Variants in SEMA3D observed in about 807,000 individuals in gnomAD.
The protein encoded by SEMA3D is semaphorin 3D.
SEMA3D carries 84 observed loss-of-function variants against 100.1 expected under a neutral mutation model. That is an observed-to-expected ratio of 0.84 (90% CI 0.70 to 1.01). The LOEUF (loss-of-function observed/expected upper bound fraction) is 1.01, where lower values mean the gene tolerates loss of function less well. SEMA3D is among the 50% of genes least tolerant of loss of function. The probability of loss-of-function intolerance (pLI) is 0.00; values close to 1 mark genes in which losing one functional copy is unlikely to be tolerated. For synonymous variants in SEMA3D, 312 were observed against 320.7 expected (o/e 0.97, Z 0.29); for missense variants, 875 against 934.1 (o/e 0.94, Z 0.82).
chr7:85,222,922 C>T, the SEMA3D span, among the ~76,000 whole-genome samples: 1 of 151,946 alleles, frequency 6.6e-6, no homozygotes, highest in Non-Finnish European at 1.5e-5. Flanking sequence ...GGACTAATAT[C>T]CAGAATCTGC....
chr7:85,011,355 G>A (rs1268551182), intron 17 of SEMA3D, among the ~76,000 whole-genome samples: 1 of 151,788 alleles, frequency 6.6e-6, no homozygotes, highest in African/African-American at 2.4e-5. Flanking sequence ...ATAGACTGAT[G>A]ATGATGATTA....
chr7:85,219,235 G>GA, the SEMA3D span, among the ~76,000 whole-genome samples: 9 of 151,386 alleles, frequency 5.9e-5, no homozygotes, highest in South Asian at 2.1e-4. Flanking sequence ...CCCACAGAGG[G>GA]AAAAAAAAGT....
chr7:85,038,052 G>C (rs1443222846), intron 11 of SEMA3D, among the ~76,000 whole-genome samples: 13 of 143,178 alleles, frequency 9.1e-5, no homozygotes, highest in African/African-American at 3.0e-4. Flanking sequence ...GTTGTGGGGT[G>C]GGGGGGAGGG....
At chr7:85,023,985 C>T (rs1431392878) in intron 12 of SEMA3D, among the ~76,000 whole-genome samples, 1 of 151,864 alleles carries the variant, frequency 6.6e-6, no homozygotes, top group East Asian at 1.9e-4. Context: ...TTAGAAACGT[C>T]CTAGAATATT....
upstream of SEMA3D, among the ~76,000 whole-genome samples, chr7:85,189,652 G>C (rs1436919904): frequency 6.6e-6 from 1 of 151,822 alleles, no homozygotes; most frequent in African/African-American, 2.4e-5. Flanking sequence ...TCAGTCCAAG[G>C]GGAAAAATAC....
chr7:85,169,578 C>T (rs1463735579), intron 1 of SEMA3D, among the ~76,000 whole-genome samples: 1 of 151,774 alleles, frequency 6.6e-6, no homozygotes, highest in African/African-American at 2.4e-5. Flanking sequence ...TAAATCAATA[C>T]TGCCACCTAA....
rs1465294944 is a variant in SEMA3D at position 84,999,406 on chromosome 7, GT to G, written c.*33del. The G allele has an allele frequency of 6.4e-7, 1 of 1,551,882 alleles. No individual in the cohort carries two copies. Among genetic ancestry groups the G allele is most frequent in the East Asian group, 2.2e-5 (1 of 44,580 alleles). On this transcript the variant is annotated 3_prime_UTR_variant, in exon 19 of 19. Transcript: ENST00000284136. Reference sequence around the variant, plus strand: ...AAAACAGAAGGCAATGTTTTTATAGGTAAGGAATTCTTTTCTTTAAATTAAG... The same window carrying G: ...AAAACAGAAGGCAATGTTTTTATAGGAAGGAATTCTTTTCTTTAAATTAAG...
At chr7:85,183,539 C>T (rs1791457945) in intron 1 of SEMA3D, among the ~76,000 whole-genome samples, 1 of 152,152 alleles carries the variant, frequency 6.6e-6, no homozygotes, top group African/African-American at 2.4e-5. Context: ...AAATAATTCC[C>T]ATTCCCACGC....
At chr7:85,013,708 T>G (rs1448564711) in intron 16 of SEMA3D, among the ~76,000 whole-genome samples, 1 of 151,802 alleles carries the variant, frequency 6.6e-6, no homozygotes, top group East Asian at 1.9e-4. Context: ...TACACATCTT[T>G]TGGCTCACAT....
At chr7:85,067,562 A>T (rs1430462943) in intron 7 of SEMA3D, among the ~76,000 whole-genome samples, 1 of 152,170 alleles carries the variant, frequency 6.6e-6, no homozygotes, top group African/African-American at 2.4e-5. Context: ...AGACAAAAGG[A>T]GTCCTTATAA....
intron 12 of SEMA3D, among the ~76,000 whole-genome samples, chr7:85,026,139 C>T (rs1790384749): frequency 6.6e-6 from 1 of 151,972 alleles, no homozygotes; most frequent in South Asian, 2.1e-4. Context: ...GATACGTGTC[C>T]TTTAGTGTAA....
At chr7:85,165,983 T>TA (rs1207537684) in intron 1 of SEMA3D, among the ~76,000 whole-genome samples, 1 of 152,070 alleles carries the variant, frequency 6.6e-6, no homozygotes, top group Non-Finnish European at 1.5e-5. Flanking sequence ...CAAAATTATA[T>TA]AAATATGTAC....
intron 3 of SEMA3D, among the ~76,000 whole-genome samples, chr7:85,119,052 CACA>C (rs980734768): frequency 2.0e-5 from 3 of 151,144 alleles, no homozygotes; most frequent in African/African-American, 7.3e-5. Context: ...AAATCAAAAC[CACA>C]ACAAGATACC....
chr7:85,189,472 GA>G (rs1319344277), upstream of SEMA3D, among the ~76,000 whole-genome samples: 9 of 152,068 alleles, frequency 5.9e-5, no homozygotes, highest in South Asian at 4.2e-4. Context: ...AACCCAGTGG[GA>G]AAAAAAGTAT....
At chr7:85,129,906 T>C (rs777211836) in intron 2 of SEMA3D, among the ~76,000 whole-genome samples, 1 of 152,082 alleles carries the variant, frequency 6.6e-6, no homozygotes, top group Non-Finnish European at 1.5e-5. Flanking sequence ...ACATAAATTC[T>C]CCAGGAACAC....
At chr7:85,125,192 T>C (rs1173371041) in intron 2 of SEMA3D, among the ~76,000 whole-genome samples, 3 of 152,100 alleles carry the variant, frequency 2.0e-5, no homozygotes, top group Non-Finnish European at 4.4e-5. Context: ...ACAATGCATG[T>C]AACGTGAATG....
chr7:85,194,858 CGT>C, the SEMA3D span, among the ~76,000 whole-genome samples: 1 of 151,990 alleles, frequency 6.6e-6, no homozygotes, highest in African/African-American at 2.4e-5. Context: ...CATCATCTTT[CGT>C]GTGTGTGTGT....
intron 6 of SEMA3D, 33 bp downstream of exon 6, chr7:85,072,929 A>C (rs761001479): frequency 6.6e-7 from 1 of 1,513,758 alleles, no homozygotes; most frequent in South Asian, 1.2e-5. Flanking sequence ...TATTACAATA[A>C]ATTATGCTTT....
chr7:85,128,083 T>C (rs755468597), intron 2 of SEMA3D, among the ~76,000 whole-genome samples: 14 of 151,866 alleles, frequency 9.2e-5, no homozygotes, highest in Non-Finnish European at 1.5e-4. Flanking sequence ...TTATTGAAAA[T>C]ATGAAAGGAA....
Sources: allele counts gnomAD v4.1 joint callset (sites outside exome capture counted in the v4.1 genomes callset), GRCh38; gene constraint gnomAD v4.1.1; transcripts MANE v1.5; gene names NCBI Gene and HGNC (gene_info 2026-07-23, HGNC 2026-07-21).